LRRC37A2: variants seen among roughly 807,000 people sequenced by gnomAD.
LRRC37A2 encodes leucine-rich repeat-containing protein 37A2.
A neutral mutation model predicts 68.8 loss-of-function variants in LRRC37A2; 9 were observed. The ratio of observed to expected loss-of-function variants is 0.13; its 90% CI spans 0.08 to 0.23. The LOEUF is 0.23. Among genes scored for constraint, LRRC37A2 ranks in the 10% least tolerant of loss-of-function variants. The pLI is 1.00. For synonymous variants in LRRC37A2, 63 were observed against 367.6 expected (o/e 0.17, Z 9.48); for missense variants, 168 against 950.4 (o/e 0.18, Z 10.82).
At chr17:46,662,951 T>G in the LRRC37A2 span, among the ~76,000 whole-genome samples, 1 of 145,336 alleles carries the variant, frequency 6.9e-6, no homozygotes, top group Non-Finnish European at 1.6e-5. Context: ...TCTTAATGCT[T>G]ATCTAGTTTA....
chr17:46,550,773 A>AT (rs1429914508), intron 11 of LRRC37A2, among the ~76,000 whole-genome samples: 42 of 65,262 alleles, frequency 6.4e-4, no homozygotes, highest in South Asian at 2.0e-3. Context: ...AAGAAGTCGA[A>AT]AATTTCTCCC....
chr17:46,421,122 A>T, the LRRC37A2 span, among the ~76,000 whole-genome samples: 2 of 76,198 alleles, frequency 2.6e-5, 1 homozygote, highest in African/African-American at 7.5e-5. Flanking sequence ...TATTTTTAGT[A>T]GAGATGGGGT....
chr17:46,917,530 G>T, the LRRC37A2 span, among the ~76,000 whole-genome samples: 20 of 152,248 alleles, frequency 1.3e-4, no homozygotes, highest in African/African-American at 4.8e-4. Context: ...AGCCTTTCTA[G>T]GCTCGGTCCA....
the LRRC37A2 span, among the ~76,000 whole-genome samples, chr17:46,902,168 G>A: frequency 3.6e-4 from 55 of 152,142 alleles, no homozygotes; most frequent in African/African-American, 1.3e-3. Context: ...GAGGTGAGCA[G>A]CCTCCTTCCT....
At chr17:46,942,862 G>T in the LRRC37A2 span, among the ~76,000 whole-genome samples, 1 of 152,152 alleles carries the variant, frequency 6.6e-6, no homozygotes, top group Non-Finnish European at 1.5e-5. Flanking sequence ...GAGTGTTCAG[G>T]GGTGCTGGGC....
chr17:47,031,335 C>T, the LRRC37A2 span, among the ~76,000 whole-genome samples: 1 of 147,764 alleles, frequency 6.8e-6, no homozygotes, highest in Non-Finnish European at 1.5e-5. Flanking sequence ...GACCAGGTGG[C>T]TAACTATCAA....
At chr17:46,830,230 G>C in the LRRC37A2 span, among the ~76,000 whole-genome samples, 5 of 152,098 alleles carry the variant, frequency 3.3e-5, no homozygotes, top group Non-Finnish European at 5.9e-5. Flanking sequence ...ACATCAGCAG[G>C]TGTGGTAATG....
chr17:46,826,683 A>G, the LRRC37A2 span, among the ~76,000 whole-genome samples: 59,333 of 152,020 alleles, frequency 0.39, 13,758 homozygotes, highest in East Asian at 0.69. Context: ...ACAATTGCCT[A>G]TTCAGCAGAG....
At chr17:46,543,590 A>G (rs1339152597) in intron 8 of LRRC37A2, among the ~76,000 whole-genome samples, 1 of 150,808 alleles carries the variant, frequency 6.6e-6, no homozygotes, top group African/African-American at 2.5e-5. Context: ...TAGGGGCTGC[A>G]CACTGAAGTC....
the LRRC37A2 span, among the ~76,000 whole-genome samples, chr17:46,917,592 T>G: frequency 2.0e-5 from 3 of 152,054 alleles, no homozygotes; most frequent in East Asian, 5.8e-4. Flanking sequence ...CAGGCTGGAG[T>G]TGCATACTGG....
At chr17:47,023,133 A>G in the LRRC37A2 span, among the ~76,000 whole-genome samples, 1 of 152,198 alleles carries the variant, frequency 6.6e-6, no homozygotes, top group Non-Finnish European at 1.5e-5. Context: ...AATTTTTCTG[A>G]TTACTCATGA....
the LRRC37A2 span, among the ~76,000 whole-genome samples, chr17:46,820,146 C>T: frequency 6.6e-6 from 1 of 152,236 alleles, no homozygotes; most frequent in Non-Finnish European, 1.5e-5. Flanking sequence ...CTGAGCCCCC[C>T]GTACCCACAG....
chr17:46,955,225 AG>A, the LRRC37A2 span, among the ~76,000 whole-genome samples: 1 of 151,904 alleles, frequency 6.6e-6, no homozygotes, highest in South Asian at 2.1e-4. Context: ...TTTAGCATGA[AG>A]GGTTGTTGAA....
the LRRC37A2 span, chr17:47,019,801 G>T: frequency 8.0e-7 from 1 of 1,251,458 alleles, no homozygotes; most frequent in Non-Finnish European, 1.2e-6. Context: ...TCACCATCTT[G>T]TAAGAATCAC....
the LRRC37A2 span, chr17:46,978,925 C>A: frequency 3.4e-6 from 5 of 1,461,878 alleles, no homozygotes; most frequent in Non-Finnish European, 4.5e-6. Flanking sequence ...CCCGTGGGTG[C>A]GGTTTCCCAG....
At chr17:46,772,326 G>A in the LRRC37A2 span, among the ~76,000 whole-genome samples, 1 of 152,236 alleles carries the variant, frequency 6.6e-6, no homozygotes, top group Non-Finnish European at 1.5e-5. Flanking sequence ...CTACGGTGGT[G>A]ACTTAAAACG....
At chr17:46,888,702 G>T in the LRRC37A2 span, among the ~76,000 whole-genome samples, 1 of 152,122 alleles carries the variant, frequency 6.6e-6, no homozygotes, top group African/African-American at 2.4e-5. Context: ...CACAGACCAA[G>T]AAATTTCCCC....
chr17:46,551,323 T>G (rs1371902745), intron 11 of LRRC37A2, among the ~76,000 whole-genome samples: 1 of 150,290 alleles, frequency 6.7e-6, no homozygotes, highest in Non-Finnish European at 1.5e-5. Flanking sequence ...AGGCCAGTGC[T>G]AGCATATTGG....
At chr17:46,580,745 CTAAA>C in the LRRC37A2 span, among the ~76,000 whole-genome samples, 3 of 14,698 alleles carry the variant, frequency 2.0e-4, no homozygotes, top group South Asian at 1.7e-3. Flanking sequence ...CTAGAATTGA[CTAAA>C]TAAATAAATA....
Sources: allele counts gnomAD v4.1 joint callset (sites outside exome capture counted in the v4.1 genomes callset), GRCh38; gene constraint gnomAD v4.1.1; transcripts MANE v1.5; gene names NCBI Gene and HGNC (gene_info 2026-07-23, HGNC 2026-07-21).